Variants in IAH1 observed in about 807,000 individuals in gnomAD.
The protein encoded by IAH1 is isoamyl acetate hydrolyzing esterase 1 (putative), also known as isoamyl acetate-hydrolyzing esterase 1 homolog.
IAH1 carries 24 observed loss-of-function variants against 26.7 expected under a neutral mutation model. That is an observed-to-expected ratio of 0.90 (90% confidence interval 0.65 to 1.26). The LOEUF (loss-of-function observed/expected upper bound fraction) is 1.26, where lower values mean the gene tolerates loss of function less well. Ranked by LOEUF, IAH1 falls within the 50% of genes most tolerant of loss-of-function variation. The pLI is 0.00. For synonymous variants in IAH1, 140 were observed against 118.5 expected (o/e 1.18, Z -1.18); for missense variants, 300 against 299.9 (o/e 1.00, Z 0.00).
At chr2:9,490,533 G>A, downstream of IAH1, 1 of 1,601,826 alleles carries the variant, frequency 6.2e-7, no homozygotes, top group East Asian at 2.2e-5. Flanking sequence ...AAAGACATGG[G>A]TTCAATTGAT....
At chr2:9,481,513 A>AC in intron 4 of IAH1, 66 bp downstream of exon 4, 1 of 1,527,242 alleles carries the variant, frequency 6.5e-7, no homozygotes, top group South Asian at 1.2e-5. Flanking sequence ...CTCTGATAGG[A>AC]CAGTGGTTTC....
At chr2:9,480,227 CATA>C (rs1200354742) in intron 3 of IAH1, among the ~76,000 whole-genome samples, 3 of 152,218 alleles carry the variant, frequency 2.0e-5, no homozygotes, top group South Asian at 4.1e-4. Flanking sequence ...CAGAAAAGCT[CATA>C]ATATGTTATG....
downstream of IAH1, chr2:9,490,186 T>G: frequency 1.9e-6 from 3 of 1,593,248 alleles, no homozygotes; most frequent in Non-Finnish European, 1.7e-6. Context: ...ATTAGCACTC[T>G]GTTTCTTTGC....
At chr2:9,475,063 C>T in intron 1 of IAH1, 2 of 1,192,088 alleles carry the variant, frequency 1.7e-6, no homozygotes, top group Non-Finnish European at 2.1e-6. Context: ...GCAGAGGCGC[C>T]AGGAGCTCTC....
intron 5 of IAH1, chr2:9,486,665 T>G (rs924653337): frequency 6.6e-6 from 1 of 151,684 alleles, no homozygotes; most frequent in Non-Finnish European, 1.5e-5. Context: ...CCATCTCTAC[T>G]TAAAAATACA....
At position 9,474,607 on chromosome 2, in the gene IAH1, T is replaced by A; in HGVS notation, c.41T>A (p.Leu14His). The change falls in exon 1 of 6, where the codon CTC becomes CAC. Residue 14 changes from leucine (L) to histidine (H), a missense_variant. Leu to His is a moderately conservative substitution (Grantham distance 99). Coordinates refer to ENST00000497473, the MANE Select transcript of IAH1 (RefSeq NM_001039613.3). This position sits in a 1 kb window ranked among gnomAD's most constrained non-coding sequence, Gnocchi z 4.3. ...GCCGCGGGCTGCGGGAGTGCCCTGC[T>A]CTGGCCTCGCTTGTTGCTCTTCGGG... ...CEAAGCGSAL[L>H]WPRLLLFGDS... is the part of the protein sequence containing the mutation. The A allele has an allele frequency of 6.5e-7, 1 of 1,542,326 alleles. No homozygotes were observed. Among genetic ancestry groups the A allele is most frequent in the Non-Finnish European group, 8.7e-7 (1 of 1,147,182 alleles).
chr2:9,490,537 AATTG>A (rs761385025), downstream of IAH1: 38 of 1,599,308 alleles, frequency 2.4e-5, no homozygotes, highest in African/African-American at 2.7e-4. Context: ...ACATGGGTTC[AATTG>A]ATTGATAGGA....
At chr2:9,476,357 C>T (rs1383771248) in intron 2 of IAH1, among the ~76,000 whole-genome samples, 2 of 152,248 alleles carry the variant, frequency 1.3e-5, no homozygotes, top group Admixed American at 6.5e-5. Context: ...TTCACTGCTA[C>T]ACCACACTGG....
downstream of IAH1, chr2:9,493,727 A>G: frequency 6.2e-7 from 1 of 1,604,802 alleles, no homozygotes; most frequent in Non-Finnish European, 8.5e-7. Context: ...CTCAGTAAGT[A>G]ATCTGGGGAA....
chr2:9,502,161 A>G, the IAH1 span: 1 of 1,610,534 alleles, frequency 6.2e-7, no homozygotes, highest in East Asian at 2.2e-5. Context: ...AGGAAGCAAC[A>G]AGAACACGAA....
chr2:9,502,260 A>G, the IAH1 span: 2 of 1,613,832 alleles, frequency 1.2e-6, no homozygotes, highest in Non-Finnish European at 1.7e-6. Flanking sequence ...TTTTTACAGC[A>G]AGGACTGTTC....
At chr2:9,509,978 C>T in the IAH1 span, 1 of 1,613,856 alleles carries the variant, frequency 6.2e-7, no homozygotes, top group Non-Finnish European at 8.5e-7. Context: ...CACACACATA[C>T]CTTATTGTTC....
chr2:9,506,616 C>T, the IAH1 span, among the ~76,000 whole-genome samples: 3 of 151,986 alleles, frequency 2.0e-5, no homozygotes, highest in Non-Finnish European at 4.4e-5. Context: ...CTGCCCACCT[C>T]GGTCTCCAAA....
At chr2:9,509,965 C>T in the IAH1 span, 62 of 1,612,862 alleles carry the variant, frequency 3.8e-5, no homozygotes, top group East Asian at 2.7e-4. Context: ...AAAAAATTCT[C>T]GACACACACA....
At chr2:9,500,816 T>A (rs1316402027), downstream of IAH1, among the ~76,000 whole-genome samples, 1 of 152,192 alleles carries the variant, frequency 6.6e-6, no homozygotes. Context: ...AGCTTTGAAA[T>A]TTTTAAAGCA....
the IAH1 span, among the ~76,000 whole-genome samples, chr2:9,508,477 TCAG>T: frequency 6.6e-6 from 1 of 152,248 alleles, no homozygotes; most frequent in African/African-American, 2.4e-5. Context: ...AGTATATAAC[TCAG>T]TGATTTCTAA....
chr2:9,495,371 A>C (rs1269486691), intron 6 of IAH1, among the ~76,000 whole-genome samples: 3 of 152,276 alleles, frequency 2.0e-5, no homozygotes, highest in Non-Finnish European at 4.4e-5. Context: ...AACCATACTT[A>C]GGAGAAAAAG....
exon 6 of IAH1, chr2:9,494,827 C>T (rs1186122127): frequency 6.3e-7 from 1 of 1,589,380 alleles, no homozygotes; most frequent in East Asian, 2.2e-5. Flanking sequence ...CTCCTCCTGC[C>T]TCCTCTTTCC....
rs768786443 is a variant in IAH1, at chr2:9,478,312, T to C, written c.225T>C (p.Ser75=). The C allele has an allele frequency of 6.2e-7, 1 of 1,613,608 alleles. No individual in the cohort carries two copies. Among genetic ancestry groups the C allele is most frequent in the Non-Finnish European group, 8.5e-7 (1 of 1,179,718 alleles). The change falls in exon 3 of 6, where the codon AGT becomes AGC. Residue 75 remains serine (S), a synonymous_variant. Coordinates refer to ENST00000497473, the MANE Select transcript of IAH1 (RefSeq NM_001039613.3). ...ILPRLIRKGN[S]LDIPVAVTIF... is the part of the protein sequence containing the mutation. Reference sequence around the variant, plus strand: ...CAAGATTAATCAGGAAAGGAAACAGTTTGGACATCCCAGTAGCAGTTACAA... The same window carrying C: ...CAAGATTAATCAGGAAAGGAAACAGCTTGGACATCCCAGTAGCAGTTACAA...
Sources: allele counts gnomAD v4.1 joint callset (sites outside exome capture counted in the v4.1 genomes callset), GRCh38; gene constraint gnomAD v4.1.1; non-coding constraint Gnocchi (gnomAD v3.1); transcripts MANE v1.5; gene names NCBI Gene and HGNC (gene_info 2026-07-23, HGNC 2026-07-21).